C8A: variants seen among roughly 807,000 people sequenced by gnomAD.
C8A encodes the protein complement component C8 alpha chain.
C8A carries 67 observed loss-of-function variants against 65.3 expected under a neutral mutation model. That is an observed-to-expected ratio of 1.03 (90% CI 0.84 to 1.26). The LOEUF (loss-of-function observed/expected upper bound fraction) is 1.26, where lower values mean the gene tolerates loss of function less well. C8A is among the 50% of genes most tolerant of loss of function. C8A has a pLI of 0.00. For missense variants in C8A, 781 were observed against 723.9 expected (o/e 1.08, Z -0.90); for synonymous variants, 290 against 259.4 (o/e 1.12, Z -1.13).
chr1:56,885,399 AATAT>A (rs1275980060), intron 6 of C8A, among the ~76,000 whole-genome samples: 6 of 109,026 alleles, frequency 5.5e-5, no homozygotes, highest in African/African-American at 1.6e-4. Flanking sequence ...TATTTAAATA[AATAT>A]ATATTTATTT....
intron 4 of C8A, 98 bp downstream of exon 4, chr1:56,876,307 T>C: frequency 7.1e-7 from 1 of 1,416,160 alleles, no homozygotes; most frequent in East Asian, 2.3e-5. Context: ...TTTGGAGGGT[T>C]CCTCTGGAGT....
At chr1:56,859,393 G>A (rs1288564772) in intron 1 of C8A, among the ~76,000 whole-genome samples, 3 of 152,214 alleles carry the variant, frequency 2.0e-5, no homozygotes, top group Admixed American at 6.5e-5. Flanking sequence ...GGAATAAAGT[G>A]TTAGAAGATC....
intron 1 of C8A, among the ~76,000 whole-genome samples, chr1:56,865,923 A>G (rs1043116009): frequency 3.3e-5 from 5 of 152,226 alleles, no homozygotes; most frequent in Non-Finnish European, 7.3e-5. Context: ...GCCTGATATC[A>G]TAAAAATTGT....
chr1:56,892,020 A>G (rs1379378260), intron 7 of C8A, among the ~76,000 whole-genome samples: 1 of 152,070 alleles, frequency 6.6e-6, no homozygotes. Flanking sequence ...ACGAATACTC[A>G]TTGAGCTGCA....
In C8A at chr1:56,912,563, G is replaced by A; in HGVS notation, c.1541G>A (p.Ser514Asn). ...NNGVPILEGT[S>N]CRCQCRLGSL... The stretch of plus-strand genomic sequence containing the variant: ...GGGGTGCCCATCCTCGAGGGCACCA[G>A]CTGCAGGTGCCAGTGCCGCCTGGGT... The change falls in exon 10 of 11, where the codon AGC (serine) becomes AAC (asparagine). Residue 514 changes from serine to asparagine, a missense_variant. Coordinates refer to ENST00000361249, the MANE Select transcript of C8A (RefSeq NM_000562.3). 1 of 1,614,238 alleles carries A rather than the reference G, an allele frequency of 6.2e-7. No individual in the cohort carries two copies. Among genetic ancestry groups the A allele is most frequent in the Non-Finnish European group, 8.5e-7 (1 of 1,180,044 alleles).
chr1:56,907,885 A>G, intron 8 of C8A, 71 bp from the exon 9 acceptor site: 3 of 1,518,886 alleles, frequency 2.0e-6, no homozygotes, highest in Middle Eastern at 3.4e-4. Flanking sequence ...AAATCTCATT[A>G]GTGGGGTTTG....
intron 6 of C8A, among the ~76,000 whole-genome samples, chr1:56,884,661 C>T (rs1477994486): frequency 6.6e-6 from 1 of 152,158 alleles, no homozygotes; most frequent in African/African-American, 2.4e-5. Context: ...TAACTTCCAT[C>T]ATCACTTTGA....
chr1:56,913,654 A>T (rs78187299), intron 10 of C8A, among the ~76,000 whole-genome samples: 1 of 152,108 alleles, frequency 6.6e-6, no homozygotes, highest in African/African-American at 2.4e-5. Flanking sequence ...TCAGGCACAT[A>T]AAACTGTTTG....
chr1:56,888,012 T>G (rs1644314768), intron 7 of C8A, among the ~76,000 whole-genome samples: 1 of 152,076 alleles, frequency 6.6e-6, no homozygotes, highest in South Asian at 2.1e-4. Context: ...GGGATAGCAT[T>G]AGGAGAAATA....
At chr1:56,857,639 T>C (rs979956990) in intron 1 of C8A, among the ~76,000 whole-genome samples, 1 of 152,066 alleles carries the variant, frequency 6.6e-6, no homozygotes, top group Non-Finnish European at 1.5e-5. Context: ...TAATTATTGA[T>C]ATGCTTGGGT....
At chr1:56,867,344 C>T (rs1040482181) in intron 1 of C8A, among the ~76,000 whole-genome samples, 1 of 152,076 alleles carries the variant, frequency 6.6e-6, no homozygotes, top group African/African-American at 2.4e-5. Flanking sequence ...AATTGTTAGC[C>T]CTCTTTAATA....
chr1:56,877,227 C>A (rs1393236716), intron 4 of C8A, among the ~76,000 whole-genome samples: 2 of 152,162 alleles, frequency 1.3e-5, no homozygotes, highest in Admixed American at 6.5e-5. Context: ...AGAAAATAAA[C>A]TTCTGTTGTG....
At chr1:56,900,396 T>C (rs1054620754) in intron 7 of C8A, among the ~76,000 whole-genome samples, 7 of 152,196 alleles carry the variant, frequency 4.6e-5, no homozygotes, top group Admixed American at 1.3e-4. Flanking sequence ...AATTCACTTA[T>C]AGAAACAATT....
At chr1:56,905,097 A>G (rs1354561759) in intron 7 of C8A, among the ~76,000 whole-genome samples, 1 of 152,206 alleles carries the variant, frequency 6.6e-6, no homozygotes, top group Non-Finnish European at 1.5e-5. Flanking sequence ...TCTTCCCCCA[A>G]TTAGTAATGC....
At chr1:56,913,322 T>C (rs1644524950) in intron 10 of C8A, among the ~76,000 whole-genome samples, 1 of 152,218 alleles carries the variant, frequency 6.6e-6, no homozygotes. Context: ...GGAAACACAA[T>C]TAAACTCACT....
chr1:56,857,313 C>CAT (rs138275710), intron 1 of C8A, among the ~76,000 whole-genome samples: 5 of 151,590 alleles, frequency 3.3e-5, no homozygotes, highest in Non-Finnish European at 7.4e-5. Flanking sequence ...TACACACACA[C>CAT]ACACACACAC....
chr1:56,872,621 G>A (rs1644157162), intron 2 of C8A, among the ~76,000 whole-genome samples: 1 of 152,016 alleles, frequency 6.6e-6, no homozygotes, highest in African/African-American at 2.4e-5. Context: ...TTAAAGGAAG[G>A]AAAAATTTGA....
intron 2 of C8A, among the ~76,000 whole-genome samples, chr1:56,868,421 C>A (rs910642240): frequency 1.3e-5 from 2 of 151,582 alleles, no homozygotes; most frequent in Non-Finnish European, 2.9e-5. Context: ...CCAGCCTGGG[C>A]AACATAGCAA....
chr1:56,855,917 T>C (rs2101177992), intron 1 of C8A, among the ~76,000 whole-genome samples: 1 of 152,228 alleles, frequency 6.6e-6, no homozygotes, highest in South Asian at 2.1e-4. Flanking sequence ...AATACAATTT[T>C]GAAATCAGAA....
Sources: gnomAD v4.1 joint callset for allele counts (sites outside exome capture counted in the v4.1 genomes callset) on GRCh38, gnomAD v4.1.1 for gene constraint, MANE v1.5 for transcripts, NCBI Gene and HGNC (gene_info 2026-07-23, HGNC 2026-07-21) for gene names.